The following CSMD3 variants were observed in gnomAD, a reference collection of about 807,000 sequenced individuals.
The protein encoded by CSMD3 is CUB and sushi domain-containing protein 3.
CSMD3 carries 177 observed loss-of-function variants against 435.2 expected under a neutral mutation model. The ratio of observed to expected loss-of-function variants is 0.41; its 90% CI spans 0.36 to 0.46. The LOEUF (loss-of-function observed/expected upper bound fraction) is 0.46. Ranked by LOEUF, CSMD3 falls within the 20% of genes least tolerant of loss-of-function variation. CSMD3 has a pLI of 0.34. For synonymous variants in CSMD3, 1,656 were observed against 1,520.5 expected (o/e 1.09, Z -2.07); for missense variants, 4,265 against 4,504.6 (o/e 0.95, Z 1.52).
chr8:113,020,136 G>T (rs2086633562), intron 5 of CSMD3, among the ~76,000 whole-genome samples: 1 of 133,588 alleles, frequency 7.5e-6, no homozygotes, highest in African/African-American at 2.8e-5. Context: ...GCAGTCCGCA[G>T]TCCGGCCTGG....
intron 10 of CSMD3, among the ~76,000 whole-genome samples, chr8:112,920,855 T>A (rs1358915680): frequency 6.6e-6 from 1 of 151,592 alleles, no homozygotes; most frequent in African/African-American, 2.4e-5. Flanking sequence ...TATTTTCTTC[T>A]ATATTTAAAA....
chr8:112,349,816 T>G (rs13273261), intron 40 of CSMD3, among the ~76,000 whole-genome samples: 3,130 of 152,294 alleles, frequency 0.021, 47 homozygotes, highest in Non-Finnish European at 0.033. Flanking sequence ...TTAAACATTT[T>G]TCAGTACTCT....
At chr8:113,315,367 A>G (rs1235349199) in intron 1 of CSMD3, among the ~76,000 whole-genome samples, 5 of 152,088 alleles carry the variant, frequency 3.3e-5, no homozygotes, top group African/African-American at 1.2e-4. Flanking sequence ...TATTTAGTCC[A>G]TGATGAACAG....
intron 27 of CSMD3, among the ~76,000 whole-genome samples, chr8:112,535,547 C>T (rs1825989165): frequency 6.6e-6 from 1 of 151,818 alleles, no homozygotes; most frequent in African/African-American, 2.4e-5. Context: ...GAAGAACATT[C>T]CATGCTCATG....
chr8:112,652,026 A>G (rs1309569152), intron 18 of CSMD3, among the ~76,000 whole-genome samples: 1 of 152,164 alleles, frequency 6.6e-6, no homozygotes, highest in Non-Finnish European at 1.5e-5. Context: ...AGTATCTTTC[A>G]TCTCCAATTT....
At chr8:112,501,862 TTAA>T (rs1285483675) in intron 30 of CSMD3, among the ~76,000 whole-genome samples, 1 of 152,168 alleles carries the variant, frequency 6.6e-6, no homozygotes, top group Non-Finnish European at 1.5e-5. Context: ...CATAAAGGAC[TTAA>T]TAAATTAAAG....
rs570059482 is a variant in CSMD3, at chr8:112,533,015, C to T, written c.4565-15790G>A. On this transcript the variant is annotated intron_variant, in intron 27 of 70. Transcript: ENST00000297405. ...TTTCTTTGTTTGTTTCTGTGCTTTTCTCTGCCACTAACCTTAAGTAGCCAT... is the reference window on the plus strand; with the variant it reads ...TTTCTTTGTTTGTTTCTGTGCTTTTTTCTGCCACTAACCTTAAGTAGCCAT... Among the ~76,000 whole-genome samples the T allele has an allele frequency of 1.4e-3, 212 of 152,140 alleles. 2 individuals are homozygous for T. The Middle Eastern group carries it at 0.027, about 20-fold the overall frequency.
chr8:113,240,306 T>C (rs557559413), intron 3 of CSMD3, among the ~76,000 whole-genome samples: 1 of 152,312 alleles, frequency 6.6e-6, no homozygotes, highest in Non-Finnish European at 1.5e-5. Flanking sequence ...TGAACAGTGC[T>C]GCAATGAACA....
At position 112,690,070 on chromosome 8, in the gene CSMD3, A is replaced by G. The variant is rs1586976635; in HGVS notation, c.1973-20T>C. The G allele has an allele frequency of 3.1e-6, 5 of 1,604,668 alleles. No homozygotes were observed. In the East Asian group the frequency reaches 1.1e-4, roughly 36 times the overall value. ...CAATTTCTGGAAAAATAGAAGATAAAAGTCACCTTCCAAGGGTTGCAGGCA... is the reference window on the plus strand; with the variant it reads ...CAATTTCTGGAAAAATAGAAGATAAGAGTCACCTTCCAAGGGTTGCAGGCA... On this transcript the variant is annotated intron_variant, in intron 13 of 70. Coordinates refer to ENST00000297405, the MANE Select transcript of CSMD3 (RefSeq NM_198123.2).
intron 31 of CSMD3, among the ~76,000 whole-genome samples, chr8:112,475,082 T>A (rs1818911801): frequency 6.6e-6 from 1 of 152,192 alleles, no homozygotes; most frequent in African/African-American, 2.4e-5. Context: ...GTTAATTTTC[T>A]TTCTGATTTT....
intron 1 of CSMD3, among the ~76,000 whole-genome samples, chr8:113,341,997 T>G (rs1006590987): frequency 6.6e-6 from 1 of 152,014 alleles, no homozygotes; most frequent in East Asian, 1.9e-4. Flanking sequence ...GAATTACCTA[T>G]GATGTTCACT....
At chr8:113,304,936 T>G (rs1418783802) in intron 2 of CSMD3, among the ~76,000 whole-genome samples, 4 of 132,228 alleles carry the variant, frequency 3.0e-5, no homozygotes, top group Non-Finnish European at 4.8e-5. Flanking sequence ...AAAAAGAAAA[T>G]GTGGCACATA....
intron 13 of CSMD3, among the ~76,000 whole-genome samples, chr8:112,780,226 A>G (rs966454865): frequency 6.6e-6 from 1 of 152,102 alleles, no homozygotes; most frequent in Non-Finnish European, 1.5e-5. Context: ...ATATAGTACA[A>G]TATAAAGTGG....
At chr8:112,403,510 G>A (rs1172973331) in intron 35 of CSMD3, among the ~76,000 whole-genome samples, 2 of 152,164 alleles carry the variant, frequency 1.3e-5, no homozygotes, top group African/African-American at 4.8e-5. Context: ...GAGTTCTAAA[G>A]ATTGGGAAGT....
chr8:113,223,752 A>ATG (rs746390167), intron 3 of CSMD3, among the ~76,000 whole-genome samples: 2,098 of 120,888 alleles, frequency 0.017, 33 homozygotes, highest in South Asian at 0.061. Context: ...GTGTGTGTTT[A>ATG]TGTGTGTGTA....
intron 1 of CSMD3, among the ~76,000 whole-genome samples, chr8:113,374,175 T>C (rs972019430): frequency 6.6e-6 from 1 of 152,026 alleles, no homozygotes; most frequent in Admixed American, 6.5e-5. Context: ...ATCATATATA[T>C]ACACACTTTG....
In CSMD3 at chr8:112,547,385, C is replaced by CA. The variant is rs942936448; in HGVS notation, c.4564+3285dup. Among the ~76,000 whole-genome samples the CA allele has an allele frequency of 8.7e-4, 126 of 145,606 alleles. 1 individual carries two copies. The highest frequency in any genetic ancestry group is 1.7e-3 in the Admixed American group (24 of 14,540). On this transcript the variant is annotated intron_variant, in intron 27 of 70. Transcript: ENST00000297405. ...CCGACGTAATGAGACCTCATCTGTA[C>CA]AAAAAAAAAATAAAAATTAGTGAAG...
At chr8:113,338,855 C>T (rs539922075) in intron 1 of CSMD3, among the ~76,000 whole-genome samples, 1 of 152,054 alleles carries the variant, frequency 6.6e-6, no homozygotes, top group East Asian at 1.9e-4. Context: ...GACCTGGTTG[C>T]ATTTCTCTAA....
chr8:112,346,013 A>G, intron 41 of CSMD3, 84 bp downstream of exon 41: 3 of 846,828 alleles, frequency 3.5e-6, no homozygotes, highest in Non-Finnish European at 6.2e-6. Context: ...AAGATTTTAT[A>G]AATTCTTATT....
Sources: allele counts gnomAD v4.1 joint callset (sites outside exome capture counted in the v4.1 genomes callset), GRCh38; gene constraint gnomAD v4.1.1; transcripts MANE v1.5; gene names NCBI Gene and HGNC (gene_info 2026-07-23, HGNC 2026-07-21).